The following GRM8 variants were observed in gnomAD, a reference collection of about 807,000 sequenced individuals.
The protein encoded by GRM8 is metabotropic glutamate receptor 8.
Under a neutral mutation model 87.2 loss-of-function variants are expected in GRM8, and 47 were observed. The ratio of observed to expected loss-of-function variants is 0.54; its 90% CI spans 0.43 to 0.69. The LOEUF (loss-of-function observed/expected upper bound fraction) is 0.69. Ranked by LOEUF, GRM8 falls within the 30% of genes least tolerant of loss-of-function variation. The pLI, the probability that GRM8 is intolerant of heterozygous loss-of-function variation, is 0.00. For synonymous variants in GRM8, 396 were observed against 404.5 expected (o/e 0.98, Z 0.25); for missense variants, 1,019 against 1,139.2 (o/e 0.89, Z 1.52).
chr7:126,770,107 T>A, intron 6 of GRM8, 42 bp from the exon 7 acceptor site: 1 of 1,366,712 alleles, frequency 7.3e-7, no homozygotes, highest in Non-Finnish European at 1.0e-6. Context: ...GATGTTAGAT[T>A]CCAATAAAAG....
intron 6 of GRM8, among the ~76,000 whole-genome samples, chr7:126,776,085 T>C (rs1412473894): frequency 6.6e-6 from 1 of 152,162 alleles, no homozygotes; most frequent in Non-Finnish European, 1.5e-5. Flanking sequence ...TCATCGAGCA[T>C]CTTAAATACT....
chr7:126,837,980 T>C (rs1419674427), intron 6 of GRM8, among the ~76,000 whole-genome samples: 3 of 152,144 alleles, frequency 2.0e-5, no homozygotes, highest in South Asian at 4.1e-4. Context: ...GGAAAACATA[T>C]CCTCTTAAAG....
chr7:126,838,344 T>A, intron 6 of GRM8, among the ~76,000 whole-genome samples: 1 of 152,318 alleles, frequency 6.6e-6, no homozygotes, highest in Admixed American at 6.5e-5. Context: ...CAAGTACTGG[T>A]AATATCACCT....
At chr7:126,869,659 G>C (rs1013829087) in intron 6 of GRM8, 3 of 152,098 alleles carry the variant, frequency 2.0e-5, no homozygotes, top group Admixed American at 6.5e-5. Flanking sequence ...TACTTTGAAA[G>C]AAACCTTTTT....
intron 8 of GRM8, among the ~76,000 whole-genome samples, chr7:126,594,407 TA>T (rs1167927746): frequency 2.6e-5 from 4 of 151,990 alleles, no homozygotes; most frequent in Non-Finnish European, 5.9e-5. Context: ...TGTTTATCCA[TA>T]AAAATAATGA....
chr7:126,904,608 C>A lies in GRM8; in HGVS notation c.803G>T (p.Arg268Leu). 1 of 1,613,572 alleles carries A rather than the reference C, an allele frequency of 6.2e-7. No homozygotes were observed. Among genetic ancestry groups the A allele is most frequent in the Non-Finnish European group, 8.5e-7 (1 of 1,179,574 alleles). ...TCGAGCATTAGGTGTTTCTAGCAGG[C>A]GTTTGATAATTTTTTCAAATTCTCC... ...RPGEFEKIIK[R>L]LLETPNARAV... is the part of the protein sequence containing the mutation. The change falls in exon 4 of 11, where the codon CGC (arginine) becomes CTC (leucine). Residue 268 changes from arginine to leucine, a missense_variant. Physicochemically the swap from Arg to Leu is moderately radical, Grantham distance 102. Coordinates refer to ENST00000339582, the MANE Select transcript of GRM8 (RefSeq NM_000845.3).
chr7:126,538,445 G>T (rs1438283679), intron 8 of GRM8, among the ~76,000 whole-genome samples: 6 of 151,908 alleles, frequency 3.9e-5, no homozygotes, highest in Non-Finnish European at 8.8e-5. Context: ...CTTCATTACA[G>T]AACTCTCAAT....
chr7:126,868,086 C>A (rs1400541698), intron 6 of GRM8, among the ~76,000 whole-genome samples: 3 of 152,218 alleles, frequency 2.0e-5, no homozygotes, highest in African/African-American at 7.2e-5. Context: ...GGTGGGTGAG[C>A]TGAGTGCTCT....
intron 2 of GRM8, among the ~76,000 whole-genome samples, chr7:127,212,572 T>C (rs1000906909): frequency 6.6e-6 from 1 of 151,950 alleles, no homozygotes; most frequent in South Asian, 2.1e-4. Context: ...CGCCCGCCAC[T>C]ACGTCCGGCT....
At chr7:127,197,258 G>A (rs1039350572) in intron 2 of GRM8, among the ~76,000 whole-genome samples, 1 of 152,154 alleles carries the variant, frequency 6.6e-6, no homozygotes, top group Admixed American at 6.5e-5. Flanking sequence ...AAATGCTCAT[G>A]TAAAAATTAC....
At chr7:126,620,396 C>T (rs910977961) in intron 7 of GRM8, among the ~76,000 whole-genome samples, 2 of 152,142 alleles carry the variant, frequency 1.3e-5, no homozygotes, top group African/African-American at 4.8e-5. Flanking sequence ...TGTCACACAT[C>T]TCCTTGAATA....
At chr7:126,560,740 T>C (rs901613646) in intron 8 of GRM8, among the ~76,000 whole-genome samples, 6 of 152,186 alleles carry the variant, frequency 3.9e-5, no homozygotes, top group Non-Finnish European at 5.9e-5. Flanking sequence ...CAAGAAATAA[T>C]TAAACAATTC....
intron 2 of GRM8, among the ~76,000 whole-genome samples, chr7:127,238,421 C>A (rs1798106371): frequency 6.6e-6 from 1 of 152,072 alleles, no homozygotes; most frequent in African/African-American, 2.4e-5. Context: ...ACTCCCAACA[C>A]ACCTGAGGGA....
intron 2 of GRM8, among the ~76,000 whole-genome samples, chr7:127,216,961 A>G (rs1796596457): frequency 6.6e-6 from 1 of 152,190 alleles, no homozygotes; most frequent in South Asian, 2.1e-4. Flanking sequence ...TTTATCTGTC[A>G]CATCACCCTT....
intron 3 of GRM8, among the ~76,000 whole-genome samples, chr7:127,074,451 C>T (rs1213689102): frequency 2.0e-5 from 3 of 152,184 alleles, no homozygotes; most frequent in Non-Finnish European, 4.4e-5. Context: ...TGCTCCTCCT[C>T]TGGGGACAGA....
intron 9 of GRM8, among the ~76,000 whole-genome samples, chr7:126,472,951 T>C (rs1189815322): frequency 2.0e-5 from 3 of 152,152 alleles, no homozygotes; most frequent in African/African-American, 4.8e-5. Flanking sequence ...AAGTCAAGAA[T>C]TGTGATTTGG....
Position 126,578,556 on chromosome 7 carries a change from A to G in GRM8, c.1494+30806T>C, listed in dbSNP as rs577880770. On this transcript the variant is annotated intron_variant, in intron 8 of 10. Coordinates refer to ENST00000339582, the MANE Select transcript of GRM8 (RefSeq NM_000845.3). ...AACAGCTGTTCCTTTCTCTTCTTCCACTCAACATTTAGAGAGTCTGGGCAG... is the reference window on the plus strand; with the variant it reads ...AACAGCTGTTCCTTTCTCTTCTTCCGCTCAACATTTAGAGAGTCTGGGCAG... Among the ~76,000 whole-genome samples the G allele has an allele frequency of 8.5e-5, 13 of 152,170 alleles. No individual in the cohort carries two copies. In the East Asian group the frequency reaches 2.5e-3, roughly 29 times the overall value.
rs550419403 is a variant in GRM8, at chr7:126,577,967, C to T, written c.1494+31395G>A. Among the ~76,000 whole-genome samples, 28 of 152,260 alleles carry T rather than the reference C, an allele frequency of 1.8e-4. No individual in the cohort carries two copies. The South Asian group carries it at 5.2e-3, about 28-fold the overall frequency. ...TATTCCCTCCTTTTCATCTCCTAAT[C>T]TATTCATTTCCTTCTCTTATGTTTT... On this transcript the variant is annotated intron_variant, in intron 8 of 10. Coordinates refer to ENST00000339582, the MANE Select transcript of GRM8 (RefSeq NM_000845.3).
intron 2 of GRM8, among the ~76,000 whole-genome samples, chr7:127,149,148 T>C (rs1828711310): frequency 6.6e-6 from 1 of 151,736 alleles, no homozygotes; most frequent in Non-Finnish European, 1.5e-5. Context: ...GCCTATAGAT[T>C]GGGAAAAAAA....
Sources: gnomAD v4.1 joint callset for allele counts (sites outside exome capture counted in the v4.1 genomes callset) on GRCh38, gnomAD v4.1.1 for gene constraint, MANE v1.5 for transcripts, NCBI Gene and HGNC (gene_info 2026-07-23, HGNC 2026-07-21) for gene names.